The following RPH3AL variants were observed in gnomAD, a reference collection of about 807,000 sequenced individuals.
RPH3AL encodes the protein rab effector Noc2.
In RPH3AL, 38 loss-of-function variants were observed where a neutral mutation model predicts 43.1. That is an observed-to-expected ratio of 0.88 (90% CI 0.68 to 1.15). The LOEUF (loss-of-function observed/expected upper bound fraction) is 1.15, where lower values mean the gene tolerates loss of function less well. Ranked by LOEUF, RPH3AL falls within the 50% of genes most tolerant of loss-of-function variation. RPH3AL has a pLI of 0.00. For missense variants in RPH3AL, 462 were observed against 423.2 expected (o/e 1.09, Z -0.81); for synonymous variants, 189 against 176.3 (o/e 1.07, Z -0.57).
rs528989769 is a variant in RPH3AL at position 245,237 on chromosome 17, G to A, written c.613+1874C>T. Among the ~76,000 whole-genome samples, 2 of 151,780 alleles carry A rather than the reference G, an allele frequency of 1.3e-5. No homozygotes were observed. Among genetic ancestry groups the A allele is most frequent in the African/African-American group, 2.4e-5 (1 of 41,368 alleles). ...TGTCCATGTGGATGTGTGTGTGCGT[G>A]TGGATGAGAGCATGTGTGTGTGCAC... is the stretch of plus-strand genomic sequence containing the variant. On this transcript the variant is annotated intron_variant, in intron 7 of 9. Coordinates refer to ENST00000331302, the MANE Select transcript of RPH3AL (RefSeq NM_006987.4). This position sits in a 1 kb window ranked among gnomAD's most constrained non-coding sequence, Gnocchi z 5.9.
intron 5 of RPH3AL, among the ~76,000 whole-genome samples, chr17:304,787 G>A (rs536991335): frequency 5.5e-4 from 84 of 151,866 alleles, no homozygotes; most frequent in African/African-American, 1.9e-3. Context: ...GCCCCACGGA[G>A]CCATTTACAA....
In RPH3AL at chr17:332,988, G is replaced by C. The variant is rs570852483; in HGVS notation, c.-37+771C>G. 5.5e-6 allele frequency: 7 copies of C among 1,278,982 alleles called. 1 individual carries two copies. The African/African-American group carries it at 1.1e-4, about 20-fold the overall frequency. 79.2% of individuals were successfully genotyped at this position (1,278,982 alleles called of 1,614,324 possible). ...TGATAATTTCCCGAAAAATTCCTAG[G>C]GGACAGAGGCTCATCAGCCCCAGGC... On this transcript the variant is annotated intron_variant, in intron 2 of 9. Coordinates refer to ENST00000331302, the MANE Select transcript of RPH3AL (RefSeq NM_006987.4).
intron 7 of RPH3AL, among the ~76,000 whole-genome samples, chr17:233,761 G>T (rs1487653929): frequency 4.6e-5 from 7 of 152,338 alleles, no homozygotes; most frequent in African/African-American, 1.7e-4. Flanking sequence ...CAACGGTGAT[G>T]CTGAAAGGGT....
At chr17:223,688 C>T (rs1305844133) in intron 7 of RPH3AL, among the ~76,000 whole-genome samples, 1 of 152,170 alleles carries the variant, frequency 6.6e-6, no homozygotes, top group East Asian at 1.9e-4. Context: ...GAAAATCCAC[C>T]ATGGGCACTG....
In RPH3AL at chr17:304,958, A is replaced by C. The variant is rs1313905316; in HGVS notation, c.351+14462T>G. ...GAGGGGGACAGGGCGAGAGGGGGAC[A>C]GGGCGAGAGGGGGACAGGGCGGGAG... On this transcript the variant is annotated intron_variant, in intron 5 of 9. Transcript: ENST00000331302. 3.9e-5 allele frequency among the ~76,000 whole-genome samples: 2 copies of C among 51,514 alleles called. 1 individual carries two copies. The highest frequency in any genetic ancestry group is 1.0e-3 in the East Asian group (2 of 1,966). The allele number at this position is 51,514 out of a possible 152,430, so 33.8% of individuals were successfully genotyped here.
At chr17:316,030 C>T (rs74215018) in intron 5 of RPH3AL, among the ~76,000 whole-genome samples, 1 of 150,498 alleles carries the variant, frequency 6.6e-6, no homozygotes, top group Non-Finnish European at 1.5e-5. Flanking sequence ...GCCCCCACCT[C>T]CATTGACCTG....
chr17:278,689 G>A (rs1441329551), intron 6 of RPH3AL, among the ~76,000 whole-genome samples: 4 of 152,068 alleles, frequency 2.6e-5, no homozygotes, highest in South Asian at 2.1e-4. Flanking sequence ...CTTGATCACC[G>A]TCTGTGACAC....
intron 5 of RPH3AL, among the ~76,000 whole-genome samples, chr17:315,686 C>T (rs1567511044): frequency 5.0e-4 from 76 of 151,442 alleles, no homozygotes; most frequent in Middle Eastern, 3.4e-3. Flanking sequence ...TCCCTGTGAC[C>T]CCACCTCCAT....
At chr17:219,824 G>A (rs2040913125) in intron 7 of RPH3AL, 88 bp from the exon 8 acceptor site, 2 of 929,322 alleles carry the variant, frequency 2.2e-6, no homozygotes, top group Admixed American at 3.5e-5. Context: ...GGCCTCCCCA[G>A]CTCATTACCA....
chr17:260,657 C>G (rs184431809), intron 6 of RPH3AL, among the ~76,000 whole-genome samples: 1 of 152,296 alleles, frequency 6.6e-6, no homozygotes, highest in African/African-American at 2.4e-5. Context: ...AGGGTCAACC[C>G]TCTCTGGCAG....
intron 2 of RPH3AL, among the ~76,000 whole-genome samples, chr17:330,299 C>T (rs2044720151): frequency 6.6e-6 from 1 of 152,228 alleles, no homozygotes; most frequent in East Asian, 1.9e-4. Context: ...ACCTGGGCAG[C>T]CCCAGACCCC....
chr17:321,173 T>C (rs1380223736), intron 4 of RPH3AL, 99 bp downstream of exon 4: 35 of 1,438,016 alleles, frequency 2.4e-5, no homozygotes, highest in Non-Finnish European at 2.9e-5. Context: ...CAGAGGTAAA[T>C]AGCAAAACCA....
intron 5 of RPH3AL, among the ~76,000 whole-genome samples, chr17:315,611 T>C (rs2044007865): frequency 7.1e-6 from 1 of 141,632 alleles, no homozygotes; most frequent in Non-Finnish European, 1.5e-5. Flanking sequence ...TCCACTGAAC[T>C]CTAGTCCCTG....
chr17:214,120 C>A (rs1306423453), intron 9 of RPH3AL, among the ~76,000 whole-genome samples, 197 bp from the exon 10 acceptor site: 1 of 152,220 alleles, frequency 6.6e-6, no homozygotes, highest in Non-Finnish European at 1.5e-5. Context: ...AAGTCACCTG[C>A]CCCTCTGGGC....
At chr17:316,176 C>G (rs2044159150) in intron 5 of RPH3AL, among the ~76,000 whole-genome samples, 1 of 141,538 alleles carries the variant, frequency 7.1e-6, no homozygotes, top group South Asian at 2.4e-4. Flanking sequence ...TCCCTGTGCT[C>G]CACCTCCACT....
intron 5 of RPH3AL, among the ~76,000 whole-genome samples, chr17:297,945 T>C (rs2043222957): frequency 6.6e-6 from 1 of 152,026 alleles, no homozygotes; most frequent in Non-Finnish European, 1.5e-5. Context: ...CGGACGAACA[T>C]GCAAACTTCC....
At chr17:263,961 G>A (rs1178311264) in intron 6 of RPH3AL, among the ~76,000 whole-genome samples, 1 of 152,140 alleles carries the variant, frequency 6.6e-6, no homozygotes, top group African/African-American at 2.4e-5. Context: ...AGGCAGAGCT[G>A]GGTCCAGCAG....
chr17:235,020 G>A (rs1004864363), intron 7 of RPH3AL, among the ~76,000 whole-genome samples: 1 of 152,224 alleles, frequency 6.6e-6, no homozygotes, highest in African/African-American at 2.4e-5. Flanking sequence ...CAGCATATGC[G>A]TTTGACGGAA....
intron 7 of RPH3AL, among the ~76,000 whole-genome samples, chr17:220,310 C>T (rs1597872521): frequency 6.6e-6 from 1 of 151,358 alleles, no homozygotes; most frequent in East Asian, 1.9e-4. Flanking sequence ...AGACAATAGG[C>T]CCAAGCACAA....
Sources: gnomAD v4.1 joint callset for allele counts (sites outside exome capture counted in the v4.1 genomes callset) on GRCh38, gnomAD v4.1.1 for gene constraint, Gnocchi (gnomAD v3.1) non-coding constraint, MANE v1.5 for transcripts, NCBI Gene and HGNC (gene_info 2026-07-23, HGNC 2026-07-21) for gene names.